CDH12: variants seen among roughly 807,000 people sequenced by gnomAD.
CDH12 encodes the protein cadherin 12.
A neutral mutation model predicts 74.1 loss-of-function variants in CDH12; 41 were observed. The observed-to-expected ratio is 0.55, with a 90% CI of 0.43 to 0.72. The LOEUF (loss-of-function observed/expected upper bound fraction) is 0.72, where lower values mean the gene tolerates loss of function less well. CDH12 is among the 30% of genes least tolerant of loss of function. The pLI, the probability that CDH12 is intolerant of heterozygous loss-of-function variation, is 0.00. For synonymous variants in CDH12, 399 were observed against 355.0 expected (o/e 1.12, Z -1.39); for missense variants, 945 against 977.2 (o/e 0.97, Z 0.44).
chr5:22,720,956 G>A (rs1472304297), intron 1 of CDH12, among the ~76,000 whole-genome samples: 1 of 152,232 alleles, frequency 6.6e-6, no homozygotes, highest in African/African-American at 2.4e-5. Context: ...GCCTAACCAT[G>A]TGGTAGAAAA....
chr5:22,664,532 G>C (rs182275389), intron 1 of CDH12, among the ~76,000 whole-genome samples: 1 of 152,122 alleles, frequency 6.6e-6, no homozygotes, highest in Non-Finnish European at 1.5e-5. Context: ...CCCTTGACTC[G>C]TAGGGATTAT....
chr5:22,353,668 C>A (rs1740446217), intron 3 of CDH12, among the ~76,000 whole-genome samples: 1 of 151,938 alleles, frequency 6.6e-6, no homozygotes, highest in South Asian at 2.1e-4. Flanking sequence ...AAAATACAGA[C>A]CTATATGCAA....
chr5:21,996,111 T>G (rs2150139798), intron 5 of CDH12, among the ~76,000 whole-genome samples: 1 of 81,272 alleles, frequency 1.2e-5, no homozygotes. Flanking sequence ...ACACGTTTTT[T>G]TTTTTTTTTT....
chr5:22,610,911 G>C (rs1471381265), intron 1 of CDH12, among the ~76,000 whole-genome samples: 1 of 151,978 alleles, frequency 6.6e-6, no homozygotes, highest in Non-Finnish European at 1.5e-5. Flanking sequence ...CTCTTTGATA[G>C]ATGAGGATGT....
intron 5 of CDH12, among the ~76,000 whole-genome samples, chr5:22,038,986 A>G (rs1307006156): frequency 6.6e-6 from 1 of 152,094 alleles, no homozygotes; most frequent in Non-Finnish European, 1.5e-5. Context: ...GTTAAATTAT[A>G]GCTGTGACGC....
At chr5:22,410,655 T>C (rs1316258853) in intron 2 of CDH12, among the ~76,000 whole-genome samples, 1 of 152,130 alleles carries the variant, frequency 6.6e-6, no homozygotes, top group African/African-American at 2.4e-5. Flanking sequence ...TTTCTCTAAT[T>C]AATCTGCCTT....
In CDH12 at chr5:22,102,980, C is replaced by G. The variant is rs58440721; in HGVS notation, c.-186-24118G>C. ...CCCAGAGTGAGGAACAGGCACGCAT[C>G]TACACTGACCTATATCATTAGGGGC... On this transcript the variant is annotated intron_variant, in intron 4 of 14. Transcript: ENST00000382254. Among the ~76,000 whole-genome samples, 639 of 152,296 alleles carry G rather than the reference C, an allele frequency of 4.2e-3. 3 individuals carry two copies. The highest frequency in any genetic ancestry group is 0.015 in the African/African-American group (609 of 41,576).
chr5:22,110,915 A>C (rs1424361846), intron 4 of CDH12, among the ~76,000 whole-genome samples: 3 of 152,178 alleles, frequency 2.0e-5, no homozygotes, highest in African/African-American at 7.2e-5. Context: ...CAAAATAATT[A>C]AAGACAACTT....
intron 1 of CDH12, among the ~76,000 whole-genome samples, chr5:22,664,166 G>A (rs543965270): frequency 3.7e-4 from 56 of 152,262 alleles, no homozygotes; most frequent in African/African-American, 1.3e-3. Flanking sequence ...CAGCATGACT[G>A]TAGCATTTGT....
chr5:21,758,702 G>A (rs935602848), intron 13 of CDH12, among the ~76,000 whole-genome samples: 2 of 151,994 alleles, frequency 1.3e-5, no homozygotes, highest in Admixed American at 6.6e-5. Flanking sequence ...ATGTAGTAGC[G>A]TTAGCAGTAG....
Position 22,608,536 on chromosome 5 carries a change from C to T in CDH12, c.-522-103172G>A, listed in dbSNP as rs147129019. Among the ~76,000 whole-genome samples, 5 of 152,216 alleles carry T rather than the reference C, an allele frequency of 3.3e-5. No individual in the cohort carries two copies. The East Asian group carries it at 7.8e-4, about 24-fold the overall frequency. On this transcript the variant is annotated intron_variant, in intron 1 of 14. Coordinates refer to ENST00000382254, the MANE Select transcript of CDH12 (RefSeq NM_004061.5). ...GCCTTGGACTTCTGGGAAGTTAAGA[C>T]TTTAGGGGACTGTTGCAAGGGCATG... is the stretch of plus-strand genomic sequence containing the variant.
At chr5:22,327,955 T>G (rs867246712) in intron 3 of CDH12, among the ~76,000 whole-genome samples, 1 of 152,224 alleles carries the variant, frequency 6.6e-6, no homozygotes, top group Non-Finnish European at 1.5e-5. Flanking sequence ...TGGCTGTATA[T>G]CCATTCAAAA....
intron 2 of CDH12, among the ~76,000 whole-genome samples, chr5:22,494,982 C>T (rs1013974441): frequency 3.3e-5 from 5 of 152,158 alleles, no homozygotes; most frequent in Non-Finnish European, 7.3e-5. Flanking sequence ...TATCAAAAGG[C>T]TACAACACAG....
At chr5:22,393,850 A>T (rs1165820864) in intron 3 of CDH12, among the ~76,000 whole-genome samples, 2 of 152,168 alleles carry the variant, frequency 1.3e-5, no homozygotes, top group Admixed American at 6.5e-5. Flanking sequence ...TAATCCTTGT[A>T]GTGGTCAGAA....
chr5:22,534,840 A>C (rs1038995555), intron 1 of CDH12, among the ~76,000 whole-genome samples: 4 of 151,768 alleles, frequency 2.6e-5, no homozygotes, highest in Non-Finnish European at 5.9e-5. Context: ...AAACAGGGTA[A>C]TTAGTAGTTA....
chr5:22,651,938 A>C (rs983365085), intron 1 of CDH12, among the ~76,000 whole-genome samples: 1 of 152,252 alleles, frequency 6.6e-6, no homozygotes, highest in East Asian at 1.9e-4. Context: ...CCCCTCGGAC[A>C]CTGAAGCATT....
chr5:21,834,327 C>T (rs533253981), intron 8 of CDH12, among the ~76,000 whole-genome samples: 3 of 151,804 alleles, frequency 2.0e-5, no homozygotes, highest in African/African-American at 7.3e-5. Flanking sequence ...CTGTCTTACT[C>T]ATATCTTTGG....
intron 3 of CDH12, among the ~76,000 whole-genome samples, chr5:22,390,845 T>A (rs976979468): frequency 1.2e-4 from 18 of 152,174 alleles, no homozygotes; most frequent in Admixed American, 5.9e-4. Flanking sequence ...AACATAAGTA[T>A]GTCCAATGCC....
chr5:22,247,436 G>A (rs936570053), intron 3 of CDH12, among the ~76,000 whole-genome samples: 3 of 152,162 alleles, frequency 2.0e-5, no homozygotes, highest in Admixed American at 2.0e-4. Context: ...CAGCACTTTG[G>A]GAAACTGAGG....
Sources: gnomAD v4.1 joint callset for allele counts (sites outside exome capture counted in the v4.1 genomes callset) on GRCh38, gnomAD v4.1.1 for gene constraint, MANE v1.5 for transcripts, NCBI Gene and HGNC (gene_info 2026-07-23, HGNC 2026-07-21) for gene names.